Variants in SMURF2 observed in about 807,000 individuals in gnomAD.
The protein encoded by SMURF2 is E3 ubiquitin-protein ligase SMURF2.
In SMURF2, 48 loss-of-function variants were observed where a neutral mutation model predicts 109.6. The observed-to-expected ratio is 0.44, with a 90% CI of 0.35 to 0.56. SMURF2 has a LOEUF of 0.56. Among genes scored for constraint, SMURF2 ranks in the 20% least tolerant of loss-of-function variants. The pLI is 0.01. For synonymous variants in SMURF2, 288 were observed against 317.1 expected, an observed-to-expected ratio of 0.91 and a Z score of 0.97; for missense variants, 575 against 909.0, an observed-to-expected ratio of 0.63 and a Z score of 4.72.
intron 10 of SMURF2, among the ~76,000 whole-genome samples, chr17:64,567,159 T>C (rs1399772194): frequency 6.6e-6 from 1 of 152,078 alleles, no homozygotes; most frequent in African/African-American, 2.4e-5. Context: ...TGCCCAGCCT[T>C]AAGCTTTTTC....
At chr17:64,647,784 A>G (rs77804770) in intron 1 of SMURF2, among the ~76,000 whole-genome samples, 7,619 of 152,026 alleles carry the variant, frequency 0.05, 321 homozygotes, top group African/African-American at 0.11. Context: ...TGGTAGACAC[A>G]GTGGCTCATG....
At chr17:64,653,743 A>G (rs1205692272) in intron 1 of SMURF2, among the ~76,000 whole-genome samples, 1 of 152,210 alleles carries the variant, frequency 6.6e-6, no homozygotes, top group Non-Finnish European at 1.5e-5. Flanking sequence ...TGATGCAACA[A>G]TCCCACTCAT....
intron 1 of SMURF2, among the ~76,000 whole-genome samples, chr17:64,611,850 TG>T (rs1471815500): frequency 6.6e-6 from 1 of 152,178 alleles, no homozygotes; most frequent in Non-Finnish European, 1.5e-5. Flanking sequence ...CTTCAAGCCC[TG>T]GCTCCTGCTC....
intron 12 of SMURF2, among the ~76,000 whole-genome samples, chr17:64,559,075 C>G (rs1262416824): frequency 6.6e-6 from 1 of 152,158 alleles, no homozygotes; most frequent in Non-Finnish European, 1.5e-5. Context: ...ACATAAGCAG[C>G]CTTCCCAACA....
At position 64,545,716 on chromosome 17, in the gene SMURF2, TAAAAA is replaced by T; in HGVS notation, c.*127_*131del. 9 of 134,682 alleles carry T rather than the reference TAAAAA, an allele frequency of 6.7e-5. No individual in the cohort carries two copies. The highest frequency in any genetic ancestry group is 2.8e-4 in the East Asian group (2 of 7,232). The allele number at this position is 134,682 out of a possible 1,614,324, so 8.3% of individuals were successfully genotyped here. A position where few individuals can be genotyped will look rare whatever the true frequency, so the allele number is the denominator to read the frequency against. On this transcript the variant is annotated 3_prime_UTR_variant, in exon 19 of 19. Transcript: ENST00000262435. ...TTTCCCCTCACAGTGTCCTAAAATG[TAAAAA>T]AAAAAAAAAAAAGGGGGGGGGGGGG... is the stretch of plus-strand genomic sequence containing the variant.
At chr17:64,573,525 C>G (rs928172568) in intron 9 of SMURF2, among the ~76,000 whole-genome samples, 1 of 152,112 alleles carries the variant, frequency 6.6e-6, no homozygotes, top group Admixed American at 6.5e-5. Flanking sequence ...TACAGAACAG[C>G]TAAAGTGTAG....
intron 4 of SMURF2, among the ~76,000 whole-genome samples, chr17:64,592,092 C>T (rs1969758100): frequency 6.6e-6 from 1 of 152,328 alleles, no homozygotes; most frequent in African/African-American, 2.4e-5. Flanking sequence ...TTCTGCAGAG[C>T]AACTAACTCC....
intron 18 of SMURF2, 102 bp downstream of exon 18, chr17:64,546,161 G>T: frequency 8.8e-7 from 1 of 1,136,866 alleles, no homozygotes; most frequent in Non-Finnish European, 1.3e-6. Flanking sequence ...CCCTTTAAAG[G>T]CCCATTTAAC....
At chr17:64,582,635 A>G (rs1362786876) in intron 7 of SMURF2, among the ~76,000 whole-genome samples, 1 of 152,100 alleles carries the variant, frequency 6.6e-6, no homozygotes, top group East Asian at 1.9e-4. Context: ...GTCTCGCTCT[A>G]TCGCCCAGGC....
rs568409075 is a variant in SMURF2, at chr17:64,662,276, G to C, written c.-396C>G. ...GGCGCCGGAGCAGAACTCTGGGCTC[G>C]GCCGCTTCCTCCTCCACCCGCCCTC... On this transcript the variant is annotated 5_prime_UTR_variant, in exon 1 of 19. Coordinates refer to ENST00000262435, the MANE Select transcript of SMURF2 (RefSeq NM_022739.4). The C allele has an allele frequency of 9.8e-4, 963 of 982,782 alleles. 2 individuals carry two copies. The highest frequency in any genetic ancestry group is 1.1e-3 in the Non-Finnish European group (908 of 828,840). The allele number at this position is 982,782 out of a possible 1,614,324, so 60.9% of individuals were successfully genotyped here.
chr17:64,647,768 A>G (rs1336640730), intron 1 of SMURF2, among the ~76,000 whole-genome samples: 1 of 151,966 alleles, frequency 6.6e-6, no homozygotes, highest in East Asian at 1.9e-4. Context: ...ACCTACAAAG[A>G]CACCTTGGTA....
chr17:64,661,590 C>T (rs115767574), intron 1 of SMURF2, among the ~76,000 whole-genome samples: 15 of 151,246 alleles, frequency 9.9e-5, no homozygotes, highest in South Asian at 6.3e-4. Context: ...CGATGCGAAC[C>T]GGTGTATTCT....
intron 1 of SMURF2, among the ~76,000 whole-genome samples, chr17:64,659,142 AGT>A (rs1334507791): frequency 6.6e-6 from 1 of 152,006 alleles, no homozygotes; most frequent in Non-Finnish European, 1.5e-5. Context: ...CTTCAGAGAG[AGT>A]GTGTATGAGT....
rs896113780 is a variant in SMURF2, at chr17:64,650,952, C to T, written c.52+10877G>A. ...GCTGGCTGGGCGCGGCGGCTCACGT[C>T]TGTAATCCCAGCACTTTGGGAGGCC... is the stretch of plus-strand genomic sequence containing the variant. On this transcript the variant is annotated intron_variant, in intron 1 of 18. Transcript: ENST00000262435. Among the ~76,000 whole-genome samples the T allele has an allele frequency of 3.3e-5, 5 of 150,782 alleles. No individual in the cohort carries two copies. The East Asian group carries it at 9.7e-4, about 29-fold the overall frequency.
intron 1 of SMURF2, among the ~76,000 whole-genome samples, chr17:64,650,910 TAAA>T (rs60191277): frequency 7.0e-6 from 1 of 143,688 alleles, no homozygotes; most frequent in Admixed American, 7.1e-5. Context: ...GCACGGTGGT[TAAA>T]AAAAAAAAAA....
At position 64,547,601 on chromosome 17, in the gene SMURF2, T is replaced by C. The variant is rs1968977146; in HGVS notation, c.2070A>G (p.Gln690=). 3.1e-6 allele frequency: 5 copies of C among 1,596,820 alleles called. No individual in the cohort carries two copies. Among genetic ancestry groups the C allele is most frequent in the East Asian group, 2.3e-5 (1 of 43,888 alleles). Reference sequence around the variant, plus strand: ...CTTGCCTGCACCTCAGGCTGTTACCTTGCAATGCTTTGAAGCCCTGCAGAG... The same window carrying C: ...CTTGCCTGCACCTCAGGCTGTTACCCTGCAATGCTTTGAAGCCCTGCAGAG... ...RVPLQGFKAL[Q]GAAGPRLFTI... is the part of the protein sequence containing the mutation. Residue 690 remains glutamine, a splice_region_variant and synonymous_variant, in exon 17 of 19, where the codon CAA becomes CAG. Coordinates refer to ENST00000262435, the MANE Select transcript of SMURF2 (RefSeq NM_022739.4). This position sits in a 1 kb window ranked among gnomAD's most constrained non-coding sequence, Gnocchi z 4.2.
intron 1 of SMURF2, among the ~76,000 whole-genome samples, chr17:64,638,578 G>A (rs1970452990): frequency 6.6e-6 from 1 of 152,146 alleles, no homozygotes. Context: ...TCAACTTTTA[G>A]GACTATGGTC....
intron 1 of SMURF2, among the ~76,000 whole-genome samples, chr17:64,647,455 C>G (rs368426843): frequency 2.0e-5 from 3 of 151,942 alleles, no homozygotes; most frequent in African/African-American, 4.8e-5. Context: ...CTGAAGCGGG[C>G]GGACCTGAGG....
intron 1 of SMURF2, among the ~76,000 whole-genome samples, chr17:64,649,893 CTAATTA>C (rs1247859230): frequency 1.3e-5 from 2 of 152,046 alleles, no homozygotes; most frequent in African/African-American, 2.4e-5. Context: ...ACATAAATAC[CTAATTA>C]TATTTCATTA....
Sources: gnomAD v4.1 joint callset for allele counts (sites outside exome capture counted in the v4.1 genomes callset) on GRCh38, gnomAD v4.1.1 for gene constraint, Gnocchi (gnomAD v3.1) non-coding constraint, MANE v1.5 for transcripts, NCBI Gene and HGNC (gene_info 2026-07-23, HGNC 2026-07-21) for gene names.